FHIT: variants seen among roughly 807,000 people sequenced by gnomAD.
FHIT encodes the protein fragile histidine triad diadenosine triphosphatase.
Under a neutral mutation model 17.9 loss-of-function variants are expected in FHIT, and 19 were observed. The ratio of observed to expected loss-of-function variants is 1.06; its 90% CI spans 0.74 to 1.56. FHIT has a LOEUF of 1.56. Among genes scored for constraint, FHIT ranks in the 40% most tolerant of loss-of-function variants. The pLI is 0.00. For synonymous variants in FHIT, 81 were observed against 69.7 expected (o/e 1.16, Z -0.81); for missense variants, 248 against 189.2 (o/e 1.31, Z -1.82).
At chr3:60,521,082 T>G (rs2035341244) in intron 5 of FHIT, among the ~76,000 whole-genome samples, 1 of 152,164 alleles carries the variant, frequency 6.6e-6, no homozygotes, top group African/African-American at 2.4e-5. Flanking sequence ...GTCTGGGTTT[T>G]TCCAGTTGCT....
intron 4 of FHIT, among the ~76,000 whole-genome samples, chr3:60,607,946 C>T (rs1553671852): frequency 6.6e-6 from 1 of 152,090 alleles, no homozygotes. Context: ...TACTCAAGCC[C>T]CTTACTTGCT....
intron 4 of FHIT, among the ~76,000 whole-genome samples, chr3:60,800,806 C>T (rs958494423): frequency 3.3e-5 from 5 of 152,090 alleles, no homozygotes; most frequent in Non-Finnish European, 5.9e-5. Flanking sequence ...GAGTTATTCC[C>T]CTTGACAGCT....
intron 3 of FHIT, among the ~76,000 whole-genome samples, chr3:60,859,975 C>T (rs1339354587): frequency 7.4e-6 from 1 of 134,640 alleles, no homozygotes; most frequent in Non-Finnish European, 1.6e-5. Flanking sequence ...ACCTGGGAGG[C>T]GGAGGTTCCA....
At chr3:60,946,515 G>T (rs1708645088) in intron 3 of FHIT, among the ~76,000 whole-genome samples, 1 of 152,152 alleles carries the variant, frequency 6.6e-6, no homozygotes, top group Non-Finnish European at 1.5e-5. Flanking sequence ...AGAGATATTT[G>T]CAAGTGAGAA....
chr3:60,890,359 C>T lies in FHIT; in HGVS notation c.-110-68348G>A, dbSNP rs561882605. ...CGTTGATCTTCCAGGGCAGCATAGC[C>T]GAAAGCTGAATGCAGCCTAGTGATT... On this transcript the variant is annotated intron_variant, in intron 3 of 9. Transcript: ENST00000492590. Among the ~76,000 whole-genome samples the T allele has an allele frequency of 2.6e-5, 4 of 152,196 alleles. No individual in the cohort carries two copies. The Middle Eastern group carries it at 0.01, about 388-fold the overall frequency.
At chr3:60,399,518 C>T (rs1269018407) in intron 5 of FHIT, among the ~76,000 whole-genome samples, 1 of 152,142 alleles carries the variant, frequency 6.6e-6, no homozygotes, top group East Asian at 1.9e-4. Context: ...CTGCTTTTGT[C>T]TTGGATCTGG....
intron 3 of FHIT, among the ~76,000 whole-genome samples, chr3:60,988,678 T>C (rs1189511632): frequency 6.6e-6 from 1 of 152,104 alleles, no homozygotes; most frequent in Non-Finnish European, 1.5e-5. Flanking sequence ...GCTGGGAACC[T>C]GGAGGCCTGT....
chr3:60,060,787 A>C (rs576704220), intron 5 of FHIT, among the ~76,000 whole-genome samples: 2 of 152,216 alleles, frequency 1.3e-5, no homozygotes, highest in Non-Finnish European at 2.9e-5. Flanking sequence ...GGAGTGTACC[A>C]GTTAGATTTA....
chr3:60,160,648 G>A (rs1021339842), intron 5 of FHIT, among the ~76,000 whole-genome samples: 5 of 152,044 alleles, frequency 3.3e-5, no homozygotes, highest in African/African-American at 9.7e-5. Context: ...TTAAAAATGT[G>A]GTTAAAGACA....
intron 5 of FHIT, among the ~76,000 whole-genome samples, chr3:60,289,015 G>A (rs1443738775): frequency 6.6e-6 from 1 of 152,142 alleles, no homozygotes; most frequent in Non-Finnish European, 1.5e-5. Flanking sequence ...TCAGAGGTTA[G>A]TGTAAGTGAA....
intron 5 of FHIT, among the ~76,000 whole-genome samples, chr3:60,520,673 T>C (rs565184835): frequency 1.3e-5 from 2 of 152,176 alleles, no homozygotes; most frequent in African/African-American, 4.8e-5. Flanking sequence ...TTAAAATTAG[T>C]TCAAAGAGGA....
chr3:60,029,885 G>GTGTGTGTGTGTC (rs1299751729), intron 5 of FHIT, among the ~76,000 whole-genome samples: 1 of 102,860 alleles, frequency 9.7e-6, no homozygotes, highest in African/African-American at 3.4e-5. Flanking sequence ...AGCATTGTGT[G>GTGTGTGTGTGTC]TGTGTGTGTG....
At chr3:61,022,344 A>C (rs187616915) in intron 3 of FHIT, among the ~76,000 whole-genome samples, 1 of 152,378 alleles carries the variant, frequency 6.6e-6, no homozygotes. Context: ...TAATTGAGGC[A>C]GTAATTAATA....
chr3:60,948,215 T>C (rs1021679831), intron 3 of FHIT, among the ~76,000 whole-genome samples: 19 of 152,130 alleles, frequency 1.2e-4, no homozygotes, highest in African/African-American at 4.3e-4. Context: ...GTCTTATATA[T>C]TAACCTTGCT....
rs2106704383 is a variant in FHIT, at chr3:59,748,013, T to C, written c.*1572A>G. ...GAATATGCCAAATGGAGAGTTTCGG[T>C]TTGGTGCTAGAATTAAATGCCCCTC... On this transcript the variant is annotated 3_prime_UTR_variant, in exon 10 of 10. Coordinates refer to ENST00000492590, the MANE Select transcript of FHIT (RefSeq NM_002012.4). 1.3e-5 allele frequency among the ~76,000 whole-genome samples: 2 copies of C among 152,294 alleles called. No individual in the cohort carries two copies. Among genetic ancestry groups the C allele is most frequent in the South Asian group, 4.1e-4 (2 of 4,822 alleles).
chr3:60,334,479 T>A (rs1429085124), intron 5 of FHIT, among the ~76,000 whole-genome samples: 2 of 152,148 alleles, frequency 1.3e-5, no homozygotes, highest in African/African-American at 4.8e-5. Flanking sequence ...TTGGGTTGAG[T>A]GTCTCACTTT....
intron 5 of FHIT, among the ~76,000 whole-genome samples, chr3:60,070,278 T>C (rs1357538261): frequency 6.6e-6 from 1 of 152,218 alleles, no homozygotes; most frequent in African/African-American, 2.4e-5. Flanking sequence ...GATGGAGGTG[T>C]GGACCATGTC....
Position 61,095,011 on chromosome 3 carries a change from A to G in FHIT, c.-163-52912T>C, listed in dbSNP as rs768479910. 8.5e-5 allele frequency among the ~76,000 whole-genome samples: 13 copies of G among 152,340 alleles called. No homozygotes were observed. In the South Asian group the frequency reaches 2.3e-3, roughly 27 times the overall value. On this transcript the variant is annotated intron_variant, in intron 2 of 9. Transcript: ENST00000492590. ...GCAAAACCGTGAATAAGGGGAGACC[A>G]CTGTATGTGAGGACTAAGAATTAGA...
chr3:60,207,910 A>T (rs1454141993), intron 5 of FHIT, among the ~76,000 whole-genome samples: 1 of 152,162 alleles, frequency 6.6e-6, no homozygotes, highest in African/African-American at 2.4e-5. Flanking sequence ...TGCAATTTGG[A>T]ATGTAATCTC....
Sources: allele counts gnomAD v4.1 joint callset (sites outside exome capture counted in the v4.1 genomes callset), GRCh38; gene constraint gnomAD v4.1.1; transcripts MANE v1.5; gene names NCBI Gene and HGNC (gene_info 2026-07-23, HGNC 2026-07-21).